The following HECW1 variants were observed in gnomAD, a reference collection of about 807,000 sequenced individuals.
HECW1 encodes HECT, C2 and WW domain containing E3 ubiquitin protein ligase 1.
In HECW1, 61 loss-of-function variants were observed where a neutral mutation model predicts 182.3. That is an observed-to-expected ratio of 0.33 (90% CI 0.27 to 0.41). The LOEUF (loss-of-function observed/expected upper bound fraction) is 0.41, where lower values mean the gene tolerates loss of function less well. HECW1 is among the 10% of genes least tolerant of loss of function. The probability of loss-of-function intolerance (pLI) is 1.00; values close to 1 mark genes in which losing one functional copy is unlikely to be tolerated. For synonymous variants in HECW1, 859 were observed against 832.6 expected (o/e 1.03, Z -0.55); for missense variants, 1,739 against 2,108.9 (o/e 0.82, Z 3.44).
chr7:43,355,232 T>C (rs569052206), intron 5 of HECW1, among the ~76,000 whole-genome samples: 18 of 152,276 alleles, frequency 1.2e-4, no homozygotes, highest in Admixed American at 7.8e-4. Flanking sequence ...AAGGAAACGT[T>C]TGAAGATATA....
Position 43,438,022 on chromosome 7 carries a change from T to C in HECW1, c.821T>C (p.Leu274Ser), listed in dbSNP as rs2076764882. The C allele has an allele frequency of 6.2e-7, 1 of 1,614,026 alleles. No homozygotes were observed. Among genetic ancestry groups the C allele is most frequent in the African/African-American group, 1.3e-5 (1 of 74,928 alleles). ...TTGCAGCAATTCAGTTTTGTGTCCT[T>C]GCCCACTGACGTGCTGGAAATTGAG... is the stretch of plus-strand genomic sequence containing the variant. ...WQAEQFSFVS[L>S]PTDVLEIEVK... Residue 274 changes from leucine (L) to serine (S), a missense_variant, in exon 9 of 30, where the codon TTG (leucine) becomes TCG (serine). Coordinates refer to ENST00000395891, the MANE Select transcript of HECW1 (RefSeq NM_015052.5).
Position 43,374,746 on chromosome 7 carries a change from C to G in HECW1, c.555+13766C>G, listed in dbSNP as rs1408936122. On this transcript the variant is annotated intron_variant, in intron 6 of 29. Coordinates refer to ENST00000395891, the MANE Select transcript of HECW1 (RefSeq NM_015052.5). ...CCGAGATCCCGCCACTGCACTCCAG[C>G]CTGGGCGACAGAGCTAGACTCCGTC... Among the ~76,000 whole-genome samples, 2 of 42,988 alleles carry G rather than the reference C, an allele frequency of 4.7e-5. 1 individual carries two copies. Among genetic ancestry groups the G allele is most frequent in the Non-Finnish European group, 7.2e-5 (2 of 27,764 alleles). 28.2% of individuals were successfully genotyped at this position (42,988 alleles called of 152,430 possible).
At chr7:43,197,741 A>G (rs1794602934) in intron 2 of HECW1, among the ~76,000 whole-genome samples, 1 of 152,094 alleles carries the variant, frequency 6.6e-6, no homozygotes, top group Non-Finnish European at 1.5e-5. Context: ...TCTGACGAAC[A>G]CAGACCGCTT....
chr7:43,432,263 C>T lies in HECW1; in HGVS notation c.802-5740C>T, dbSNP rs2076575754. Among the ~76,000 whole-genome samples, 1 of 151,256 alleles carries T rather than the reference C, an allele frequency of 6.6e-6. No individual in the cohort carries two copies. Among genetic ancestry groups the T allele is most frequent in the African/African-American group, 2.4e-5 (1 of 41,306 alleles). On this transcript the variant is annotated intron_variant, in intron 8 of 29. Transcript: ENST00000395891. This position sits in a 1 kb window ranked among gnomAD's most constrained non-coding sequence, Gnocchi z 4.1. ...CACGCCATTCTCCTGCCTCAGCCTC[C>T]CAAGTAGCTGGGACTACAGGCGCCC...
chr7:43,306,069 G>A (rs1807526125), intron 3 of HECW1, among the ~76,000 whole-genome samples: 1 of 151,934 alleles, frequency 6.6e-6, no homozygotes, highest in African/African-American at 2.4e-5. Context: ...CTAATTTTGT[G>A]TATTTGTAGT....
chr7:43,505,910 G>A (rs2079559531), intron 21 of HECW1, among the ~76,000 whole-genome samples: 1 of 152,154 alleles, frequency 6.6e-6, no homozygotes, highest in Non-Finnish European at 1.5e-5. Flanking sequence ...TCTCTAAATT[G>A]TAAGCTTAGT....
At chr7:43,488,668 C>A in intron 17 of HECW1, among the ~76,000 whole-genome samples, 1 of 152,062 alleles carries the variant, frequency 6.6e-6, no homozygotes, top group East Asian at 1.9e-4. Flanking sequence ...TCAAACAGAC[C>A]CTCGGAATTT....
intron 2 of HECW1, among the ~76,000 whole-genome samples, chr7:43,175,170 G>A (rs1203290648): frequency 1.3e-5 from 2 of 151,346 alleles, no homozygotes; most frequent in Non-Finnish European, 2.9e-5. Flanking sequence ...AACACGATGT[G>A]TGTGTACACA....
intron 2 of HECW1, among the ~76,000 whole-genome samples, chr7:43,230,316 C>A (rs1420308427): frequency 6.6e-6 from 1 of 152,178 alleles, no homozygotes; most frequent in South Asian, 2.1e-4. Context: ...ATCACTTGAA[C>A]CCTGGAGGCA....
At chr7:43,527,658 C>G (rs1476625461) in intron 24 of HECW1, among the ~76,000 whole-genome samples, 2 of 152,212 alleles carry the variant, frequency 1.3e-5, no homozygotes, top group African/African-American at 4.8e-5. Flanking sequence ...ATGGGCATAT[C>G]TTGTGGGAGC....
chr7:43,310,674 T>G (rs987904574), intron 3 of HECW1, among the ~76,000 whole-genome samples: 2 of 152,206 alleles, frequency 1.3e-5, no homozygotes, highest in East Asian at 3.9e-4. Context: ...TACTGCTAAC[T>G]AGATTGATCT....
Position 43,529,734 on chromosome 7 carries a change from C to G in HECW1, c.4020-11429C>G, listed in dbSNP as rs970989123. On this transcript the variant is annotated intron_variant, in intron 24 of 29. Coordinates refer to ENST00000395891, the MANE Select transcript of HECW1 (RefSeq NM_015052.5). ...CTGCCCACTCAGGCTCTAGGCCCAC[C>G]AGTCCCCATCTCCATGCCTCTCCAG... Among the ~76,000 whole-genome samples, 4 of 152,264 alleles carry G rather than the reference C, an allele frequency of 2.6e-5. No individual in the cohort carries two copies. In the East Asian group the frequency reaches 7.7e-4, roughly 29 times the overall value.
intron 15 of HECW1, among the ~76,000 whole-genome samples, chr7:43,467,718 C>T (rs948450393): frequency 6.6e-6 from 1 of 152,046 alleles, no homozygotes; most frequent in Non-Finnish European, 1.5e-5. Context: ...GGACATTTCT[C>T]GTGGACTCAG....
At chr7:43,311,721 C>T (rs201793595) in intron 3 of HECW1, 42 bp from the exon 4 acceptor site, 16 of 1,579,544 alleles carry the variant, frequency 1.0e-5, no homozygotes, top group South Asian at 2.2e-5. Context: ...ACTGAGTTGC[C>T]GGCGTGCCCT....
intron 6 of HECW1, among the ~76,000 whole-genome samples, chr7:43,383,849 A>G (rs796467161): frequency 9.9e-5 from 15 of 152,250 alleles, no homozygotes; most frequent in African/African-American, 3.6e-4. Flanking sequence ...AACATATTTT[A>G]TATGTTATTT....
chr7:43,247,966 A>G, intron 3 of HECW1, among the ~76,000 whole-genome samples: 1 of 133,890 alleles, frequency 7.5e-6, no homozygotes, highest in Non-Finnish European at 1.6e-5. Flanking sequence ...GGAAAGAAAA[A>G]GAGAAAGGAA....
At chr7:43,494,384 A>T (rs2079039526) in intron 19 of HECW1, among the ~76,000 whole-genome samples, 1 of 152,112 alleles carries the variant, frequency 6.6e-6, no homozygotes, top group South Asian at 2.1e-4. Context: ...GGTTTCTCCT[A>T]AAATATTCCC....
chr7:43,223,313 C>T (rs1360914402), intron 2 of HECW1, among the ~76,000 whole-genome samples: 2 of 152,184 alleles, frequency 1.3e-5, no homozygotes, highest in African/African-American at 4.8e-5. Flanking sequence ...AGTATATCCA[C>T]AGCCCATTAA....
At chr7:43,312,896 A>G (rs1808706959) in intron 4 of HECW1, among the ~76,000 whole-genome samples, 1 of 152,258 alleles carries the variant, frequency 6.6e-6, no homozygotes, top group South Asian at 2.1e-4. Flanking sequence ...CTGGAAGGCC[A>G]CAAGAGTCAA....
Sources: gnomAD v4.1 joint callset for allele counts (sites outside exome capture counted in the v4.1 genomes callset) on GRCh38, gnomAD v4.1.1 for gene constraint, Gnocchi (gnomAD v3.1) non-coding constraint, MANE v1.5 for transcripts, NCBI Gene and HGNC (gene_info 2026-07-23, HGNC 2026-07-21) for gene names.